Variants in ABHD13 observed in about 807,000 individuals in gnomAD.
The protein encoded by ABHD13 is abhydrolase domain containing 13.
Under a neutral mutation model 25.2 loss-of-function variants are expected in ABHD13, and 7 were observed. That is an observed-to-expected ratio of 0.28 (90% CI 0.16 to 0.52). The LOEUF (loss-of-function observed/expected upper bound fraction) is 0.52, where lower values mean the gene tolerates loss of function less well. Ranked by LOEUF, ABHD13 falls within the 20% of genes least tolerant of loss-of-function variation. ABHD13 has a pLI of 0.96. For synonymous variants in ABHD13, 133 were observed against 136.1 expected (o/e 0.98, Z 0.16); for missense variants, 302 against 402.7 (o/e 0.75, Z 2.14).
chr13:108,224,953 T>C lies in ABHD13; in HGVS notation c.-20-4246T>C, dbSNP rs114721827. Among the ~76,000 whole-genome samples the C allele has an allele frequency of 6.7e-3, 1,024 of 152,338 alleles. 13 individuals carry two copies. The highest frequency in any genetic ancestry group is 0.024 in the African/African-American group (985 of 41,580). ...AGTACATGATAATAAAGATTAGTTATGCTTTCAGTAGATTATTTTTTGAGA... is the reference window on the plus strand; with the variant it reads ...AGTACATGATAATAAAGATTAGTTACGCTTTCAGTAGATTATTTTTTGAGA... On this transcript the variant is annotated intron_variant, in intron 1 of 1. Transcript: ENST00000375898.
chr13:108,228,560 G>A (rs954251757), intron 1 of ABHD13, among the ~76,000 whole-genome samples: 1 of 151,520 alleles, frequency 6.6e-6, no homozygotes, highest in Non-Finnish European at 1.5e-5. Flanking sequence ...TCGAGGTAGA[G>A]GGGGGATACT....
At chr13:108,219,381 G>A (rs571046438) in intron 1 of ABHD13, among the ~76,000 whole-genome samples, 1 of 152,278 alleles carries the variant, frequency 6.6e-6, no homozygotes, top group South Asian at 2.1e-4. Flanking sequence ...TTTACTATGT[G>A]ATAGTAACTG....
chr13:108,221,890 G>A (rs1490429031), intron 1 of ABHD13, among the ~76,000 whole-genome samples: 1 of 151,360 alleles, frequency 6.6e-6, no homozygotes, highest in East Asian at 2.0e-4. Context: ...CCAGGTTGGA[G>A]TGCAGTGGCA....
rs1011066562 is a variant in ABHD13, at chr13:108,232,783, A to T, written c.*2551A>T. 6.0e-6 allele frequency: 1 copy of T among 166,858 alleles called. No individual in the cohort carries two copies. The highest frequency in any genetic ancestry group is 2.4e-5 in the African/African-American group (1 of 41,438). The allele number at this position is 166,858 out of a possible 1,614,324, so 10.3% of individuals were successfully genotyped here. ...TCTCACATCCATTATTTTAAAGGGA[A>T]TGATTGGGGGGAAAAACTGGTGAAA... On this transcript the variant is annotated 3_prime_UTR_variant, in exon 2 of 2. Transcript: ENST00000375898.
At chr13:108,220,606 G>A in intron 1 of ABHD13, among the ~76,000 whole-genome samples, 2 of 152,238 alleles carry the variant, frequency 1.3e-5, no homozygotes, top group South Asian at 2.1e-4. Flanking sequence ...GACAGATTTT[G>A]TAATACATTA....
chr13:108,222,293 T>C (rs1271293429), intron 1 of ABHD13, among the ~76,000 whole-genome samples: 1 of 152,184 alleles, frequency 6.6e-6, no homozygotes, highest in Non-Finnish European at 1.5e-5. Flanking sequence ...CTTACGGCAA[T>C]AATTACAATG....
chr13:108,229,910 C>T lies in ABHD13; in HGVS notation c.692C>T (p.Ser231Leu). 7.4e-6 allele frequency: 12 copies of T among 1,613,282 alleles called. No homozygotes were observed. The highest frequency in any genetic ancestry group is 9.3e-6 in the Non-Finnish European group (11 of 1,179,438). ...CCACATATGGCCAGCACTTTATTTT[C>T]ATTCTTTCCGATGCGTTACCTTCCT... ...SIPHMASTLF[S>L]FFPMRYLPLW... The change falls in exon 2 of 2, where the codon TCA (serine) becomes TTA (leucine). Residue 231 changes from serine to leucine, a missense_variant. Transcript: ENST00000375898. This position sits in a 1 kb window ranked among gnomAD's most constrained non-coding sequence, Gnocchi z 4.7.
intron 1 of ABHD13, among the ~76,000 whole-genome samples, chr13:108,226,987 C>T (rs191427950): frequency 5.9e-5 from 9 of 152,126 alleles, no homozygotes; most frequent in South Asian, 2.1e-4. Context: ...CCACGCACTC[C>T]GCCACCCCAG....
rs1424607073 is a variant in ABHD13, at chr13:108,232,093, C to A, written c.*1861C>A. On this transcript the variant is annotated 3_prime_UTR_variant, in exon 2 of 2. Transcript: ENST00000375898. ...TACATGGCATACCTTATATTTGTAT[C>A]ATTCTTTAAAGTTTACAAAAAAAAA... The A allele has an allele frequency of 6.0e-6, 1 of 165,824 alleles. No homozygotes were observed. Among genetic ancestry groups the A allele is most frequent in the East Asian group, 1.9e-4 (1 of 5,168 alleles). The allele number at this position is 165,824 out of a possible 1,614,324, so 10.3% of individuals were successfully genotyped here.
chr13:108,225,566 G>T (rs1007173196), intron 1 of ABHD13, among the ~76,000 whole-genome samples: 6 of 152,140 alleles, frequency 3.9e-5, no homozygotes, highest in Non-Finnish European at 7.3e-5. Context: ...AGTTTACATT[G>T]TATGAGAGAT....
At chr13:108,220,406 G>A (rs1343115877) in intron 1 of ABHD13, among the ~76,000 whole-genome samples, 2 of 152,280 alleles carry the variant, frequency 1.3e-5, no homozygotes, top group Non-Finnish European at 2.9e-5. Flanking sequence ...ATTTTCCCAT[G>A]ATCTCTTCTC....
chr13:108,218,751 G>A (rs1364380666), intron 1 of ABHD13, 92 bp downstream of exon 1: 7 of 151,582 alleles, frequency 4.6e-5, no homozygotes, highest in African/African-American at 1.7e-4. Flanking sequence ...GCTCCTCCAG[G>A]CGGGCGCGAA....
In ABHD13 at chr13:108,229,792, C is replaced by T. The variant is rs200844822; in HGVS notation, c.574C>T (p.Arg192Cys). Residue 192 changes from arginine (R) to cysteine (C), a missense_variant, in exon 2 of 2, where the codon CGT (arginine) becomes TGT (cysteine). Coordinates refer to ENST00000375898, the MANE Select transcript of ABHD13 (RefSeq NM_032859.3). This position sits in a 1 kb window ranked among gnomAD's most constrained non-coding sequence, Gnocchi z 4.7. ...LDKTKIFLFG[R>C]SLGGAVAIHL... The stretch of plus-strand genomic sequence containing the variant: ...TAAAACAAAAATTTTTCTTTTTGGC[C>T]GTTCCTTGGGTGGAGCAGTGGCTAT... The T allele has an allele frequency of 3.2e-5, 51 of 1,613,080 alleles. No individual in the cohort carries two copies. Among genetic ancestry groups the T allele is most frequent in the Admixed American group, 8.4e-5 (5 of 59,880 alleles).
intron 1 of ABHD13, among the ~76,000 whole-genome samples, chr13:108,221,310 A>G (rs1189867835): frequency 6.6e-6 from 1 of 152,210 alleles, no homozygotes; most frequent in Non-Finnish European, 1.5e-5. Flanking sequence ...GATAGCAGCT[A>G]TTTGTGTTTC....
chr13:108,229,744 G>C lies in ABHD13; in HGVS notation c.526G>C (p.Val176Leu), dbSNP rs773662362. ...AGATTCTGAAGCTGTGTTAGACTAC[G>C]TGATGACTAGACCTGACCTTGATAA... ...YLDSEAVLDY[V>L]MTRPDLDKTK... is the part of the protein sequence containing the mutation. The change falls in exon 2 of 2, where the codon GTG (valine) becomes CTG (leucine). Residue 176 changes from valine (V) to leucine (L), a missense_variant. Physicochemically the swap from Val to Leu is conservative, Grantham distance 32. Coordinates refer to ENST00000375898, the MANE Select transcript of ABHD13 (RefSeq NM_032859.3). This position sits in a 1 kb window ranked among gnomAD's most constrained non-coding sequence, Gnocchi z 4.7. 1.9e-6 allele frequency: 3 copies of C among 1,613,264 alleles called. No individual in the cohort carries two copies. Among genetic ancestry groups the C allele is most frequent in the Non-Finnish European group, 1.7e-6 (2 of 1,179,514 alleles).
At position 108,230,936 on chromosome 13, in the gene ABHD13, G is replaced by A. The variant is rs957123744; in HGVS notation, c.*704G>A. The A allele has an allele frequency of 6.0e-6, 1 of 166,734 alleles. No individual in the cohort carries two copies. Among genetic ancestry groups the A allele is most frequent in the African/African-American group, 2.4e-5 (1 of 41,392 alleles). The allele number at this position is 166,734 out of a possible 1,614,324, so 10.3% of individuals were successfully genotyped here. A position where few individuals can be genotyped will look rare whatever the true frequency, so the allele number is the denominator to read the frequency against. ...TACAAATGTACCGTGTTTTTGTTAGGTACAGTCTGGATCATGGCATGTAGA... is the reference window on the plus strand; with the variant it reads ...TACAAATGTACCGTGTTTTTGTTAGATACAGTCTGGATCATGGCATGTAGA... On this transcript the variant is annotated 3_prime_UTR_variant, in exon 2 of 2. Coordinates refer to ENST00000375898, the MANE Select transcript of ABHD13 (RefSeq NM_032859.3).
Position 108,229,686 on chromosome 13 carries a change from T to C in ABHD13, c.468T>C (p.Ser156=). Residue 156 remains serine, a synonymous_variant, in exon 2 of 2, where the codon AGT becomes AGC. Coordinates refer to ENST00000375898, the MANE Select transcript of ABHD13 (RefSeq NM_032859.3). This position sits in a 1 kb window ranked among gnomAD's most constrained non-coding sequence, Gnocchi z 4.7. ...LLVDYRGYGK[S]EGEASEEGLY... ...TTGATTATCGAGGATATGGAAAAAG[T>C]GAAGGAGAAGCAAGTGAAGAAGGAC... 2.5e-6 allele frequency: 4 copies of C among 1,613,280 alleles called. No individual in the cohort carries two copies. Among genetic ancestry groups the C allele is most frequent in the Non-Finnish European group, 3.4e-6 (4 of 1,179,532 alleles).
intron 1 of ABHD13, among the ~76,000 whole-genome samples, chr13:108,222,654 A>G (rs979394207): frequency 2.0e-5 from 3 of 152,166 alleles, no homozygotes; most frequent in Admixed American, 1.3e-4. Flanking sequence ...GAAGTTTATA[A>G]AGTGTATAAA....
At chr13:108,218,716 C>G (rs923620549) in intron 1 of ABHD13, 57 bp downstream of exon 1, 22 of 151,324 alleles carry the variant, frequency 1.5e-4, no homozygotes, top group Admixed American at 5.3e-4. Context: ...TCCGCTCCTT[C>G]TAGGAGGGTC....
Sources: allele counts gnomAD v4.1 joint callset (sites outside exome capture counted in the v4.1 genomes callset), GRCh38; gene constraint gnomAD v4.1.1; non-coding constraint Gnocchi (gnomAD v3.1); transcripts MANE v1.5; gene names NCBI Gene and HGNC (gene_info 2026-07-23, HGNC 2026-07-21).